The following SERPINB6 variants were observed in gnomAD, a reference collection of about 807,000 sequenced individuals.
The protein encoded by SERPINB6 is serpin family B member 6, also known as serpin B6.
Under a neutral mutation model 26.1 loss-of-function variants are expected in SERPINB6, and 16 were observed. The observed-to-expected ratio is 0.61, with a 90% confidence interval of 0.42 to 0.93. The LOEUF (loss-of-function observed/expected upper bound fraction) is 0.93, where lower values mean the gene tolerates loss of function less well. Ranked by LOEUF, SERPINB6 falls within the 40% of genes least tolerant of loss-of-function variation. The pLI is 0.00. For synonymous variants in SERPINB6, 174 were observed against 176.6 expected (o/e 0.99, Z 0.11); for missense variants, 420 against 478.0 (o/e 0.88, Z 1.13).
intron 1 of SERPINB6, 166 bp from the exon 2 acceptor site, chr6:2,959,508 G>T: frequency 1.4e-6 from 1 of 699,416 alleles, no homozygotes; most frequent in Non-Finnish European, 2.5e-6. Flanking sequence ...TATTTTGTGT[G>T]TTTCTAATGT....
chr6:2,954,647 G>T lies in SERPINB6; in HGVS notation c.375C>A (p.Ser125Arg). 6.2e-7 allele frequency: 1 copy of T among 1,613,904 alleles called. No individual in the cohort carries two copies. The highest frequency in any genetic ancestry group is 1.1e-5 in the South Asian group (1 of 91,078). Residue 125 changes from serine (S) to arginine (R), a missense_variant, in exon 4 of 7, where the codon AGC (serine) becomes AGA (arginine). Coordinates refer to ENST00000380539, the MANE Select transcript of SERPINB6 (RefSeq NM_004568.6). ...QAEMEELDFI[S>R]AVEKSRKHIN... ...TGTGTTTTCTGGACTTCTCTACGGCGCTGATAAAGTCAAGCTCCTCCATCT... is the reference window on the plus strand; with the variant it reads ...TGTGTTTTCTGGACTTCTCTACGGCTCTGATAAAGTCAAGCTCCTCCATCT...
chr6:2,962,748 T>A (rs984933531), intron 1 of SERPINB6, among the ~76,000 whole-genome samples: 6 of 152,336 alleles, frequency 3.9e-5, no homozygotes, highest in African/African-American at 1.4e-4. Context: ...TCCTAGAGAT[T>A]TAATTTTCTT....
chr6:2,951,173 G>A (rs932335292), intron 5 of SERPINB6, among the ~76,000 whole-genome samples: 12 of 152,146 alleles, frequency 7.9e-5, no homozygotes, highest in Admixed American at 3.9e-4. Flanking sequence ...ATCACCTGAG[G>A]TCAGGAGTTC....
intron 1 of SERPINB6, chr6:2,959,731 T>G: frequency 3.8e-6 from 1 of 260,622 alleles, no homozygotes; most frequent in South Asian, 4.6e-5. Context: ...ACTGTTTTAA[T>G]TTGAAAAATA....
rs1401040135 is a variant in SERPINB6 at position 2,948,391 on chromosome 6, G to A, written c.1038C>T (p.Val346=). 12 of 1,614,144 alleles carry A rather than the reference G, an allele frequency of 7.4e-6. No individual in the cohort carries two copies. Among genetic ancestry groups the A allele is most frequent in the Non-Finnish European group, 1.0e-5 (12 of 1,180,002 alleles). The change falls in exon 7 of 7, where the codon GTC becomes GTT. Residue 346 remains valine, a synonymous_variant. Transcript: ENST00000380539. The surrounding 1 kb of genome is among the most constrained non-coding windows in gnomAD (Gnocchi z 5.0). ...AGGGGTGGTCGGCGCAGAAGCGGGG[G>A]ACGAATCTGGCACACCGCATCATCA... ...AIMMMRCARF[V]PRFCADHPFL...
At chr6:2,970,483 C>T in intron 1 of SERPINB6, 2 of 1,128,638 alleles carry the variant, frequency 1.8e-6, no homozygotes, top group Non-Finnish European at 2.2e-6. Context: ...AATACAAGGC[C>T]GGCCCAGGAC....
chr6:2,952,762 G>A (rs539443625), intron 5 of SERPINB6, among the ~76,000 whole-genome samples: 1 of 152,380 alleles, frequency 6.6e-6, no homozygotes, highest in African/African-American at 2.4e-5. Context: ...GGTCCTGATG[G>A]GAATGAAGCT....
chr6:2,968,940 T>C (rs919522072), intron 1 of SERPINB6: 1 of 1,222,890 alleles, frequency 8.2e-7, no homozygotes, highest in African/African-American at 1.6e-5. Context: ...TGGAAGCAGA[T>C]GGGGGTCGGG....
intron 1 of SERPINB6, among the ~76,000 whole-genome samples, chr6:2,965,635 C>G (rs1416336405): frequency 1.3e-5 from 2 of 152,178 alleles, no homozygotes; most frequent in African/African-American, 2.4e-5. Context: ...CTAAGACTTT[C>G]AAACAGTACA....
At chr6:2,969,073 A>G (rs1771893763) in intron 1 of SERPINB6, 1 of 1,116,486 alleles carries the variant, frequency 9.0e-7, no homozygotes, top group Non-Finnish European at 1.1e-6. Flanking sequence ...TGAACAATTA[A>G]TCATAAAAAA....
intron 1 of SERPINB6, chr6:2,961,889 CTTACGCTTTTTTTT>C (rs1771155126): frequency 1.0e-6 from 1 of 985,006 alleles, no homozygotes; most frequent in African/African-American, 1.7e-5. Flanking sequence ...CTGAAGGACT[CTTACGCTTTTTTTT>C]TTGTAGAGAC....
rs751722479 is a variant in SERPINB6, at chr6:2,948,370, G to A, written c.1059C>T (p.His353=). 1 of 1,614,174 alleles carries A rather than the reference G, an allele frequency of 6.2e-7. No homozygotes were observed. Among genetic ancestry groups the A allele is most frequent in the Non-Finnish European group, 8.5e-7 (1 of 1,180,032 alleles). ...ARFVPRFCAD[H]PFLFFIQHSK... ...TGTGCTGGATGAAGAAAAGGAAGGG[G>A]TGGTCGGCGCAGAAGCGGGGGACGA... Residue 353 remains histidine (H), a synonymous_variant, in exon 7 of 7, where the codon CAC becomes CAT. Coordinates refer to ENST00000380539, the MANE Select transcript of SERPINB6 (RefSeq NM_004568.6). The surrounding 1 kb of genome is among the most constrained non-coding windows in gnomAD (Gnocchi z 5.0).
chr6:2,949,172 G>C, intron 5 of SERPINB6, 103 bp from the exon 6 acceptor site: 8 of 1,289,186 alleles, frequency 6.2e-6, no homozygotes, highest in South Asian at 1.3e-5. Flanking sequence ...AACGCAGCTC[G>C]GTTTCTCCCC....
In SERPINB6 at chr6:2,951,918, C is replaced by T. The variant is rs1473394088; in HGVS notation, c.573+1126G>A. On this transcript the variant is annotated intron_variant, in intron 5 of 6. Coordinates refer to ENST00000380539, the MANE Select transcript of SERPINB6 (RefSeq NM_004568.6). ...CCTTGTTCCTCCCCCTCCCTGCCAC[C>T]GGGACTGCTGAAGCCAGCTCAGCCA... Among the ~76,000 whole-genome samples, 10 of 152,212 alleles carry T rather than the reference C, an allele frequency of 6.6e-5. No individual in the cohort carries two copies. In the East Asian group the frequency reaches 1.3e-3, roughly 20 times the overall value.
At chr6:2,952,962 C>T in intron 5 of SERPINB6, 82 bp downstream of exon 5, 2 of 1,596,396 alleles carry the variant, frequency 1.3e-6, no homozygotes, top group African/African-American at 2.7e-5. Context: ...AGAAAGGCCC[C>T]ACGGCTGCAG....
Position 2,955,587 on chromosome 6 carries a change from G to A in SERPINB6, c.249C>T (p.Gly83=), listed in dbSNP as rs1770372814. ...TGGCCATCCTAAGCAAGTACTGCGT[G>A]CCAGTCTTGTTCACTTCGGTGAGAA... The part of the protein sequence containing the change: ...QSLLTEVNKT[G]TQYLLRMANR... Residue 83 remains glycine, a synonymous_variant, in exon 3 of 7, where the codon GGC becomes GGT. Coordinates refer to ENST00000380539, the MANE Select transcript of SERPINB6 (RefSeq NM_004568.6). 1 of 1,614,220 alleles carries A rather than the reference G, an allele frequency of 6.2e-7. No homozygotes were observed. Among genetic ancestry groups the A allele is most frequent in the Non-Finnish European group, 8.5e-7 (1 of 1,180,034 alleles).
Position 2,948,988 on chromosome 6 carries a change from A to G in SERPINB6, c.655T>C (p.Leu219=), listed in dbSNP as rs1246092579. 4 of 1,614,242 alleles carry G rather than the reference A, an allele frequency of 2.5e-6. No homozygotes were observed. In the South Asian group the frequency reaches 4.4e-5, roughly 18 times the overall value. The part of the protein sequence containing the change: ...TYIGEIFTQI[L]VLPYVGKELN... ...TCCTTGCCAACATATGGAAGCACCA[A>G]GATTTGGGTAAATATTTCTCCTATA... is the stretch of plus-strand genomic sequence containing the variant. The change falls in exon 6 of 7, where the codon TTG becomes CTG. Residue 219 remains leucine (L), a synonymous_variant. Transcript: ENST00000380539. The surrounding 1 kb of genome is among the most constrained non-coding windows in gnomAD (Gnocchi z 5.0).
chr6:2,958,276 T>G (rs1361866395), intron 2 of SERPINB6: 1 of 152,308 alleles, frequency 6.6e-6, no homozygotes, highest in African/African-American at 2.4e-5. Context: ...AAACCAACCC[T>G]GCCTACACCT....
chr6:2,959,664 G>T, intron 1 of SERPINB6: 1 of 401,710 alleles, frequency 2.5e-6, no homozygotes, highest in South Asian at 2.3e-5. Flanking sequence ...TACAGAAGGG[G>T]CACTGGCTTT....
Sources: allele counts gnomAD v4.1 joint callset (sites outside exome capture counted in the v4.1 genomes callset), GRCh38; gene constraint gnomAD v4.1.1; non-coding constraint Gnocchi (gnomAD v3.1); transcripts MANE v1.5; gene names NCBI Gene and HGNC (gene_info 2026-07-23, HGNC 2026-07-21).